The following PIK3C2G variants were observed in gnomAD, a reference collection of about 807,000 sequenced individuals.
The protein encoded by PIK3C2G is phosphatidylinositol-4-phosphate 3-kinase catalytic subunit type 2 gamma.
PIK3C2G carries 168 observed loss-of-function variants against 181.1 expected under a neutral mutation model. The observed-to-expected ratio is 0.93, with a 90% CI of 0.82 to 1.05. The LOEUF (loss-of-function observed/expected upper bound fraction) is 1.05, where lower values mean the gene tolerates loss of function less well. Ranked by LOEUF, PIK3C2G falls within the 50% of genes least tolerant of loss-of-function variation. The pLI is 0.00. For synonymous variants in PIK3C2G, 573 were observed against 592.2 expected, an observed-to-expected ratio of 0.97 and a Z score of 0.47; for missense variants, 1,869 against 1,732.8, an observed-to-expected ratio of 1.08 and a Z score of -1.40.
chr12:18,703,175 T>G, the PIK3C2G span, among the ~76,000 whole-genome samples: 5 of 152,204 alleles, frequency 3.3e-5, no homozygotes, highest in East Asian at 9.6e-4. Flanking sequence ...TTCGAAATTC[T>G]TTACTATTTC....
At chr12:18,423,404 T>C (rs998123899) in intron 17 of PIK3C2G, among the ~76,000 whole-genome samples, 2 of 152,112 alleles carry the variant, frequency 1.3e-5, no homozygotes, top group African/African-American at 4.8e-5. Flanking sequence ...CTCTGTTTTC[T>C]ACCCAGTTGA....
At chr12:18,675,637 G>A in the PIK3C2G span, among the ~76,000 whole-genome samples, 1 of 152,088 alleles carries the variant, frequency 6.6e-6, no homozygotes, top group Non-Finnish European at 1.5e-5. Flanking sequence ...ATCAATGGTT[G>A]ATTGGGTAAA....
chr12:18,624,442 G>C (rs902168526), intron 31 of PIK3C2G, among the ~76,000 whole-genome samples: 3 of 151,616 alleles, frequency 2.0e-5, no homozygotes, highest in African/African-American at 7.3e-5. Flanking sequence ...CTAGTATTTT[G>C]TTGAGGATTT....
chr12:18,478,427 A>G (rs1398868792), intron 18 of PIK3C2G, among the ~76,000 whole-genome samples: 1 of 152,130 alleles, frequency 6.6e-6, no homozygotes, highest in Non-Finnish European at 1.5e-5. Context: ...AAATGCAATC[A>G]GTGTATTGCT....
At chr12:18,290,120 C>T (rs1319263676) in intron 3 of PIK3C2G, among the ~76,000 whole-genome samples, 1 of 152,078 alleles carries the variant, frequency 6.6e-6, no homozygotes, top group Non-Finnish European at 1.5e-5. Context: ...TTAATATCCA[C>T]CTCAGTAAAC....
chr12:18,343,096 T>A (rs1479152648), intron 9 of PIK3C2G, among the ~76,000 whole-genome samples: 6 of 152,042 alleles, frequency 3.9e-5, no homozygotes, highest in African/African-American at 1.4e-4. Context: ...AATTTCTTTT[T>A]AAAAAAATAC....
At chr12:18,717,139 G>A in the PIK3C2G span, among the ~76,000 whole-genome samples, 1 of 152,070 alleles carries the variant, frequency 6.6e-6, no homozygotes. Flanking sequence ...TTAAATTTAA[G>A]TGTAAATTTG....
chr12:18,577,744 T>G (rs1173747233), intron 29 of PIK3C2G, among the ~76,000 whole-genome samples: 1 of 152,202 alleles, frequency 6.6e-6, no homozygotes, highest in Non-Finnish European at 1.5e-5. Context: ...TTAACGTAGT[T>G]GATTTTGCAT....
At chr12:18,432,303 A>G (rs138562760) in intron 18 of PIK3C2G, among the ~76,000 whole-genome samples, 1 of 152,286 alleles carries the variant, frequency 6.6e-6, no homozygotes, top group East Asian at 1.9e-4. Context: ...CTATTTTGTT[A>G]AGAAAAAGTG....
chr12:18,322,381 CA>C (rs201077149), intron 7 of PIK3C2G, among the ~76,000 whole-genome samples: 143 of 127,674 alleles, frequency 1.1e-3, no homozygotes, highest in African/African-American at 2.4e-3. Flanking sequence ...GACCTCATCT[CA>C]AAAAAAAAAA....
chr12:18,594,053 C>T (rs1207958730), intron 29 of PIK3C2G, among the ~76,000 whole-genome samples: 1 of 151,892 alleles, frequency 6.6e-6, no homozygotes, highest in Non-Finnish European at 1.5e-5. Context: ...AGTCAGTACT[C>T]AGCGAGTATT....
At chr12:18,500,819 CA>C (rs960363626) in intron 22 of PIK3C2G, among the ~76,000 whole-genome samples, 5 of 152,130 alleles carry the variant, frequency 3.3e-5, no homozygotes, top group Non-Finnish European at 7.4e-5. Context: ...TCGCTCTTTG[CA>C]ATAAATCCTG....
intron 30 of PIK3C2G, among the ~76,000 whole-genome samples, chr12:18,608,448 A>G (rs747359595): frequency 6.0e-5 from 9 of 151,090 alleles, no homozygotes; most frequent in Non-Finnish European, 1.0e-4. Flanking sequence ...TCAGCAAACT[A>G]TGGCAAGGAC....
the PIK3C2G span, among the ~76,000 whole-genome samples, chr12:18,691,386 C>T: frequency 0.066 from 10,003 of 152,074 alleles, 367 homozygotes; most frequent in Non-Finnish European, 0.077. Flanking sequence ...TTTAGATTCC[C>T]AAAATCATGT....
At chr12:18,565,172 T>C (rs184875128) in intron 28 of PIK3C2G, among the ~76,000 whole-genome samples, 207 of 152,262 alleles carry the variant, frequency 1.4e-3, no homozygotes, top group Non-Finnish European at 2.3e-3. Flanking sequence ...AGATTCCCTA[T>C]GACTTCTAAA....
At chr12:18,599,233 G>A (rs569522186) in intron 30 of PIK3C2G, among the ~76,000 whole-genome samples, 366 of 152,248 alleles carry the variant, frequency 2.4e-3, no homozygotes, top group Non-Finnish European at 3.7e-3. Flanking sequence ...CAATAGCAAA[G>A]ACTTGGAACC....
chr12:18,661,059 TAG>T, the PIK3C2G span, among the ~76,000 whole-genome samples: 1 of 152,104 alleles, frequency 6.6e-6, no homozygotes, highest in Non-Finnish European at 1.5e-5. Context: ...TATGAGCAGT[TAG>T]AAGAATTGAT....
intron 1 of PIK3C2G, among the ~76,000 whole-genome samples, chr12:18,269,610 T>C (rs1198709670): frequency 6.6e-6 from 1 of 152,186 alleles, no homozygotes; most frequent in Non-Finnish European, 1.5e-5. Context: ...TATGGAATTA[T>C]TTTTTTCTGC....
At chr12:18,324,702 A>G (rs1353205291) in intron 7 of PIK3C2G, among the ~76,000 whole-genome samples, 1 of 152,190 alleles carries the variant, frequency 6.6e-6, no homozygotes, top group African/African-American at 2.4e-5. Flanking sequence ...TGATGTTAAT[A>G]TATGCCATTA....
Sources: allele counts gnomAD v4.1 joint callset (sites outside exome capture counted in the v4.1 genomes callset), GRCh38; gene constraint gnomAD v4.1.1; transcripts MANE v1.5; gene names NCBI Gene and HGNC (gene_info 2026-07-23, HGNC 2026-07-21).